Variants in ARNT observed in about 807,000 individuals in gnomAD.
ARNT encodes aryl hydrocarbon receptor nuclear translocator.
ARNT carries 30 observed loss-of-function variants against 105.0 expected under a neutral mutation model. That is an observed-to-expected ratio of 0.29 (90% CI 0.21 to 0.39). The LOEUF (loss-of-function observed/expected upper bound fraction) is 0.39, where lower values mean the gene tolerates loss of function less well. Among genes scored for constraint, ARNT ranks in the 10% least tolerant of loss-of-function variants. ARNT has a pLI of 1.00. For missense variants in ARNT, 748 were observed against 978.7 expected, an observed-to-expected ratio of 0.76 and a Z score of 3.15; for synonymous variants, 304 against 344.0, an observed-to-expected ratio of 0.88 and a Z score of 1.29.
chr1:150,817,548 C>G, intron 15 of ARNT, 115 bp from the exon 16 acceptor site: 1 of 983,922 alleles, frequency 1.0e-6, no homozygotes, highest in South Asian at 1.5e-5. Context: ...TGGCTCATGC[C>G]TGTAATCCCA....
Position 150,876,599 on chromosome 1 carries a change from C to A in ARNT, c.-32G>T, listed in dbSNP as rs1051818046. On this transcript the variant is annotated 5_prime_UTR_variant, in exon 1 of 22. Coordinates refer to ENST00000358595, the MANE Select transcript of ARNT (RefSeq NM_001668.4). ...AGATGCCACCGCCGCCGCGCCACCC[C>A]CCCCCCCAGTGGGAGGAGCCGCCGC... The A allele has an allele frequency of 1.2e-5, 19 of 1,536,668 alleles. 1 individual carries two copies. The Admixed American group carries it at 2.0e-4, about 16-fold the overall frequency.
At chr1:150,870,864 G>T (rs1169999361) in intron 1 of ARNT, among the ~76,000 whole-genome samples, 1 of 151,798 alleles carries the variant, frequency 6.6e-6, no homozygotes, top group Non-Finnish European at 1.5e-5. Context: ...CAATGAAAAC[G>T]TGGAGGGAAA....
chr1:150,862,879 C>T (rs1295704892), intron 1 of ARNT, among the ~76,000 whole-genome samples: 3 of 151,612 alleles, frequency 2.0e-5, no homozygotes, highest in African/African-American at 7.3e-5. Flanking sequence ...GGTGAAACTC[C>T]GTGTCTACTA....
At position 150,811,455 on chromosome 1, in the gene ARNT, T is replaced by C. The variant is rs1414904416; in HGVS notation, c.*566A>G. 3 of 117,186 alleles carry C rather than the reference T, an allele frequency of 2.6e-5. No individual in the cohort carries two copies. Among genetic ancestry groups the C allele is most frequent in the Non-Finnish European group, 4.6e-5 (3 of 65,930 alleles). The allele number at this position is 117,186 out of a possible 1,614,324, so 7.3% of individuals were successfully genotyped here. ...AAAGAGTGAAATACAGAAGCATGTGTGCGCACACACACACACACACACATA... is the reference window on the plus strand; with the variant it reads ...AAAGAGTGAAATACAGAAGCATGTGCGCGCACACACACACACACACACATA... On this transcript the variant is annotated 3_prime_UTR_variant, in exon 22 of 22. Transcript: ENST00000358595.
At position 150,809,968 on chromosome 1, in the gene ARNT, ACACAATGTGC is replaced by A. The variant is rs587718738; in HGVS notation, c.*2043_*2052del. On this transcript the variant is annotated 3_prime_UTR_variant, in exon 22 of 22. Coordinates refer to ENST00000358595, the MANE Select transcript of ARNT (RefSeq NM_001668.4). ...TGATTTCTGATTCCTGAAATTAAAG[ACACAATGTGC>A]CTTATGTTTGTATGTCTGGAGCTTA... 611 of 226,880 alleles carry A rather than the reference ACACAATGTGC, an allele frequency of 2.7e-3. 7 individuals carry two copies. The highest frequency in any genetic ancestry group is 0.013 in the African/African-American group (570 of 45,036). 14.1% of individuals were successfully genotyped at this position (226,880 alleles called of 1,614,324 possible).
At chr1:150,876,393 C>A in intron 1 of ARNT, 150 bp downstream of exon 1, 1 of 1,384,060 alleles carries the variant, frequency 7.2e-7, no homozygotes, top group Non-Finnish European at 9.7e-7. Context: ...GGCCCCTCCC[C>A]AGGTCACCGC....
rs759186863 is a variant in ARNT, at chr1:150,846,311, A to C, written c.183-4T>G. On this transcript the variant is annotated splice_region_variant and splice_polypyrimidine_tract_variant and intron_variant, in intron 3 of 21. Transcript: ENST00000358595. ...AGACATCTGATCATCATCACACCTGAAGGAGAGAAAAAGGATTGTTTCAAA... is the reference window on the plus strand; with the variant it reads ...AGACATCTGATCATCATCACACCTGCAGGAGAGAAAAAGGATTGTTTCAAA... 4.3e-6 allele frequency: 7 copies of C among 1,613,666 alleles called. No homozygotes were observed. Among genetic ancestry groups the C allele is most frequent in the African/African-American group, 1.3e-5 (1 of 75,032 alleles).
At chr1:150,853,270 A>C (rs1246509591) in intron 2 of ARNT, 1 of 385,994 alleles carries the variant, frequency 2.6e-6, no homozygotes, top group Admixed American at 3.3e-5. Flanking sequence ...GACAACTGCA[A>C]GACTCCATCT....
chr1:150,828,903 G>A (rs587620449), intron 12 of ARNT, among the ~76,000 whole-genome samples, 190 bp downstream of exon 12: 2 of 152,282 alleles, frequency 1.3e-5, no homozygotes, highest in Non-Finnish European at 2.9e-5. Flanking sequence ...GGTTTGACAA[G>A]CCATATTTCT....
chr1:150,853,226 A>C (rs1310789117), intron 2 of ARNT: 1 of 333,662 alleles, frequency 3.0e-6, no homozygotes, highest in Non-Finnish European at 5.9e-6. Flanking sequence ...GGTTTCAGTG[A>C]GCCAAGATCG....
intron 1 of ARNT, among the ~76,000 whole-genome samples, chr1:150,868,334 G>C (rs904031825): frequency 6.6e-6 from 1 of 152,002 alleles, no homozygotes; most frequent in Non-Finnish European, 1.5e-5. Flanking sequence ...CTAGCCTCAA[G>C]GGTGAGAAGA....
rs1042694068 is a variant in ARNT, at chr1:150,814,264, T to C, written c.1951-25A>G. The C allele has an allele frequency of 6.8e-6, 11 of 1,610,274 alleles. No individual in the cohort carries two copies. In the African/African-American group the frequency reaches 1.3e-4, roughly 20 times the overall value. ...GCTAAAGAGAGATGGAGAGGGGATA[T>C]AGAACAAATACAGCATTAACATCAT... On this transcript the variant is annotated intron_variant, in intron 19 of 21. Transcript: ENST00000358595.
intron 14 of ARNT, among the ~76,000 whole-genome samples, chr1:150,821,528 T>C (rs1232432615): frequency 3.9e-5 from 6 of 152,264 alleles, no homozygotes; most frequent in Non-Finnish European, 5.9e-5. Flanking sequence ...GTACAGTATA[T>C]ACTATAGTTA....
intron 12 of ARNT, among the ~76,000 whole-genome samples, 187 bp from the exon 13 acceptor site, chr1:150,826,804 C>G (rs1259901591): frequency 6.6e-6 from 1 of 152,006 alleles, no homozygotes; most frequent in Non-Finnish European, 1.5e-5. Context: ...GCTACCACAC[C>G]TGGCTAATTT....
At chr1:150,828,982 CTT>C (rs1658832507) in intron 12 of ARNT, 109 bp downstream of exon 12, 2 of 1,289,430 alleles carry the variant, frequency 1.6e-6, no homozygotes, top group Non-Finnish European at 2.1e-6. Context: ...ATGATGATCT[CTT>C]TTTCTTAACT....
rs1052077872 is a variant in ARNT at position 150,809,907 on chromosome 1, G to C, written c.*2114C>G. 1 of 223,930 alleles carries C rather than the reference G, an allele frequency of 4.5e-6. No individual in the cohort carries two copies. Among genetic ancestry groups the C allele is most frequent in the African/African-American group, 2.2e-5 (1 of 44,752 alleles). The allele number at this position is 223,930 out of a possible 1,614,324, so 13.9% of individuals were successfully genotyped here. On this transcript the variant is annotated 3_prime_UTR_variant, in exon 22 of 22. Transcript: ENST00000358595. The stretch of plus-strand genomic sequence containing the variant: ...GAATGTGTCAGGATCAGGAGGACAA[G>C]TGAGGGGGGAGGCGTGCAATGTGAT...
At chr1:150,856,286 A>G (rs911534525) in intron 2 of ARNT, among the ~76,000 whole-genome samples, 1 of 152,036 alleles carries the variant, frequency 6.6e-6, no homozygotes, top group African/African-American at 2.4e-5. Context: ...GAAAATACAA[A>G]AAAATTAGTC....
At chr1:150,859,626 G>A (rs1665250363) in intron 1 of ARNT, among the ~76,000 whole-genome samples, 2 of 151,940 alleles carry the variant, frequency 1.3e-5, no homozygotes, top group Admixed American at 1.3e-4. Context: ...CAGAGCACTG[G>A]AATTACAGGT....
At chr1:150,837,189 A>C (rs1660487330) in intron 6 of ARNT, among the ~76,000 whole-genome samples, 2 of 152,144 alleles carry the variant, frequency 1.3e-5, no homozygotes, top group South Asian at 4.1e-4. Flanking sequence ...GGCCTATAAA[A>C]ATGATCAAGT....
Sources: allele counts gnomAD v4.1 joint callset (sites outside exome capture counted in the v4.1 genomes callset), GRCh38; gene constraint gnomAD v4.1.1; transcripts MANE v1.5; gene names NCBI Gene and HGNC (gene_info 2026-07-23, HGNC 2026-07-21).